The following MYBPH variants were observed in gnomAD, a reference collection of about 807,000 sequenced individuals.
MYBPH encodes the protein myosin-binding protein H.
MYBPH carries 49 observed loss-of-function variants against 53.6 expected under a neutral mutation model. That is an observed-to-expected ratio of 0.91 (90% CI 0.73 to 1.16). MYBPH has a LOEUF of 1.16. MYBPH is among the 50% of genes most tolerant of loss of function. The pLI is 0.00. For synonymous variants in MYBPH, 239 were observed against 249.6 expected (o/e 0.96, Z 0.40); for missense variants, 558 against 624.1 (o/e 0.89, Z 1.13).
rs140240759 is a variant in MYBPH at position 203,171,542 on chromosome 1, C to T, written c.634G>A (p.Gly212Ser). Residue 212 changes from glycine to serine, a missense_variant, in exon 5 of 11, where the codon GGC (glycine) becomes AGC (serine). Coordinates refer to ENST00000255416, the MANE Select transcript of MYBPH (RefSeq NM_004997.3). The surrounding 1 kb of genome is among the most constrained non-coding windows in gnomAD (Gnocchi z 4.2). Reference sequence around the variant, plus strand: ...ACCCGCTGGCTGTCCAGGGCATGGCCGTTGTGGGTCCATGTGGCCTGAGGC... The same window carrying T: ...ACCCGCTGGCTGTCCAGGGCATGGCTGTTGTGGGTCCATGTGGCCTGAGGC... ...PKPQATWTHN[G>S]HALDSQRVSM... 1.8e-5 allele frequency: 29 copies of T among 1,613,312 alleles called. No individual in the cohort carries two copies. The highest frequency in any genetic ancestry group is 9.3e-5 in the African/African-American group (7 of 74,914).
Position 203,175,610 on chromosome 1 carries a change from G to T in MYBPH, c.146C>A (p.Ala49Asp). Reference protein sequence around the residue: ...TREEQVPKPQAPAPQAPTAST... With the variant: ...TREEQVPKPQDPAPQAPTAST... ...GGCTGTAGGGGCCTGTGGGGCAGGG[G>T]CCTGCGGCTTGGGCACCTGCTCTTC... Residue 49 changes from alanine (A) to aspartate (D), a missense_variant, in exon 1 of 11, where the codon GCC (alanine) becomes GAC (aspartate). Ala to Asp is a moderately radical substitution (Grantham distance 126). Transcript: ENST00000255416. 2 of 1,613,954 alleles carry T rather than the reference G, an allele frequency of 1.2e-6. No homozygotes were observed. The highest frequency in any genetic ancestry group is 1.1e-5 in the South Asian group (1 of 91,088).
At chr1:203,170,508 A>G in intron 6 of MYBPH, 58 bp from the exon 7 acceptor site, 2 of 1,574,748 alleles carry the variant, frequency 1.3e-6, no homozygotes, top group East Asian at 2.3e-5. Context: ...CTCCCTGCTT[A>G]CCCTGGAGAC....
At position 203,168,650 on chromosome 1, in the gene MYBPH, C is replaced by T. The variant is rs998417452; in HGVS notation, c.*9G>A. 1 of 1,451,484 alleles carries T rather than the reference C, an allele frequency of 6.9e-7. No homozygotes were observed. The highest frequency in any genetic ancestry group is 9.1e-7 in the Non-Finnish European group (1 of 1,096,690). The allele number at this position is 1,451,484 out of a possible 1,614,324, so 89.9% of individuals were successfully genotyped here. A position where few individuals can be genotyped will look rare whatever the true frequency, so the allele number is the denominator to read the frequency against. ...ACCTGGCTCCTCATCACAGCCTCCT[C>T]CCGTGACTTCAGTGTGCGGCTGAGG... is the stretch of plus-strand genomic sequence containing the variant. On this transcript the variant is annotated 3_prime_UTR_variant, in exon 10 of 11. Transcript: ENST00000255416.
Position 203,171,456 on chromosome 1 carries a change from G to C in MYBPH, c.720C>G (p.Asp240Glu), listed in dbSNP as rs757351367. 1 of 1,613,974 alleles carries C rather than the reference G, an allele frequency of 6.2e-7. No individual in the cohort carries two copies. The highest frequency in any genetic ancestry group is 8.5e-7 in the Non-Finnish European group (1 of 1,180,036). The change falls in exon 5 of 11, where the codon GAC becomes GAG. Residue 240 changes from aspartate to glutamate, a missense_variant. Asp to Glu is a conservative substitution (Grantham distance 45, BLOSUM62 2). Transcript: ENST00000255416. The surrounding 1 kb of genome is among the most constrained non-coding windows in gnomAD (Gnocchi z 4.2). ...ILFIRSAQRSDSGRYELTVRV... is the reference protein window; with the variant it reads ...ILFIRSAQRSESGRYELTVRV... ...GCACAGTGAGCTCGTAGCGGCCAGA[G>C]TCGGAGCGCTGGGCCGAGCGAATGA...
intron 10 of MYBPH, 83 bp from the exon 11 acceptor site, chr1:203,168,174 GC>G: frequency 8.7e-6 from 2 of 229,772 alleles, no homozygotes; most frequent in Non-Finnish European, 1.7e-5. Flanking sequence ...GGGAGGGGGA[GC>G]AGCATCCTCT....
In MYBPH at chr1:203,171,245, T is replaced by G; in HGVS notation, c.794-45A>C. 6.4e-7 allele frequency: 1 copy of G among 1,556,296 alleles called. No homozygotes were observed. Among genetic ancestry groups the G allele is most frequent in the Non-Finnish European group, 8.7e-7 (1 of 1,149,532 alleles). Reference sequence around the variant, plus strand: ...GAGGAAGTGAGTGTGAGGGCCAGGCTGGCCACAGAGCCCCCACACCCAAAA... The same window carrying G: ...GAGGAAGTGAGTGTGAGGGCCAGGCGGGCCACAGAGCCCCCACACCCAAAA... On this transcript the variant is annotated intron_variant, in intron 5 of 10. Transcript: ENST00000255416. The surrounding 1 kb of genome is among the most constrained non-coding windows in gnomAD (Gnocchi z 4.2).
Position 203,170,423 on chromosome 1 carries a change from GGTAGCGCTCCAGCACT to G in MYBPH, c.945_960del (p.Val316ThrfsTer96). ...TCAGAGATGGTGCAGGTGGTTGGGTGGTAGCGCTCCAGCACTGTGAACCATTGCTGCAGGGCCCCGG... is the reference window on the plus strand; with the variant it reads ...TCAGAGATGGTGCAGGTGGTTGGGTGGTGAACCATTGCTGCAGGGCCCCGG... On this transcript the variant is annotated frameshift_variant, in exon 7 of 11. Transcript: ENST00000255416. LOFTEE classifies it high-confidence loss of function. 1 of 1,614,146 alleles carries G rather than the reference GGTAGCGCTCCAGCACT, an allele frequency of 6.2e-7. No individual in the cohort carries two copies. The highest frequency in any genetic ancestry group is 8.5e-7 in the Non-Finnish European group (1 of 1,180,002).
upstream of MYBPH, among the ~76,000 whole-genome samples, chr1:203,176,832 G>T (rs1055855766): frequency 4.6e-5 from 7 of 152,156 alleles, no homozygotes; most frequent in Non-Finnish European, 8.8e-5. Flanking sequence ...TAGTAAAATG[G>T]ATGAGGTGCC....
chr1:203,168,868 A>T, intron 9 of MYBPH, 38 bp downstream of exon 9: 1 of 1,609,246 alleles, frequency 6.2e-7, no homozygotes, highest in South Asian at 1.1e-5. Flanking sequence ...AGTTCCAGAG[A>T]GGTGCTTACT....
rs1368167716 is a variant in MYBPH at position 203,171,905 on chromosome 1, C to A, written c.597+47G>T. 2.5e-6 allele frequency: 3 copies of A among 1,177,910 alleles called. No homozygotes were observed. The Admixed American group carries it at 1.1e-4, about 45-fold the overall frequency. The allele number at this position is 1,177,910 out of a possible 1,614,324, so 73.0% of individuals were successfully genotyped here. A position where few individuals can be genotyped will look rare whatever the true frequency, so the allele number is the denominator to read the frequency against. ...CTCCCAGGCTCCCCTTAAATGGGGG[C>A]CCTGGTTCCCACCCAGGCTGTTACC... is the stretch of plus-strand genomic sequence containing the variant. On this transcript the variant is annotated intron_variant, in intron 4 of 10. Coordinates refer to ENST00000255416, the MANE Select transcript of MYBPH (RefSeq NM_004997.3). The surrounding 1 kb of genome is among the most constrained non-coding windows in gnomAD (Gnocchi z 4.2).
Position 203,168,911 on chromosome 1 carries a change from A to T in MYBPH, c.1412T>A (p.Val471Asp), listed in dbSNP as rs1411460862. Residue 471 changes from valine (V) to aspartate (D), a missense_variant, in exon 9 of 11, where the codon GTC (valine) becomes GAC (aspartate). By Grantham distance (152) the Val-to-Asp change is radical. Coordinates refer to ENST00000255416, the MANE Select transcript of MYBPH (RefSeq NM_004997.3). ...GEASVDCRLEVKASAAH is the reference protein window; with the variant it reads ...GEASVDCRLEDKASAAH The stretch of plus-strand genomic sequence containing the variant: ...TCCCGTCCTCAAACTCTCACCTTTG[A>T]CCTCCAGCCGGCAGTCCACAGATGC... 24 of 1,613,206 alleles carry T rather than the reference A, an allele frequency of 1.5e-5. No homozygotes were observed. Among genetic ancestry groups the T allele is most frequent in the Non-Finnish European group, 2.0e-5 (24 of 1,179,900 alleles).
intron 3 of MYBPH, 24 bp from the exon 4 acceptor site, chr1:203,172,064 C>CTTAGCA: frequency 7.8e-7 from 1 of 1,285,364 alleles, no homozygotes; most frequent in East Asian, 2.9e-5. Context: ...AGAGTCTGGG[C>CTTAGCA]TTAGCAGTGC....
chr1:203,174,973 C>T (rs1034903750), intron 2 of MYBPH, among the ~76,000 whole-genome samples: 5 of 152,038 alleles, frequency 3.3e-5, no homozygotes, highest in African/African-American at 1.2e-4. Context: ...CTTACGCTAA[C>T]ATTCCCCTCT....
chr1:203,177,367 CTT>C (rs1159750528), upstream of MYBPH, among the ~76,000 whole-genome samples: 1 of 152,240 alleles, frequency 6.6e-6, no homozygotes, highest in Non-Finnish European at 1.5e-5. Flanking sequence ...TTTATGCACT[CTT>C]TAGCACGTAA....
At chr1:203,173,103 C>T (rs1011544982) in intron 3 of MYBPH, among the ~76,000 whole-genome samples, 2 of 152,192 alleles carry the variant, frequency 1.3e-5, no homozygotes, top group Non-Finnish European at 2.9e-5. Flanking sequence ...AGCCTCCTCT[C>T]CCTCTTCTCT....
intron 7 of MYBPH, 132 bp downstream of exon 7, chr1:203,170,159 T>C (rs1195588001): frequency 4.5e-6 from 5 of 1,121,844 alleles, no homozygotes; most frequent in Admixed American, 2.5e-5. Flanking sequence ...TGCATAGCCG[T>C]GGAGTGAGGA....
In MYBPH at chr1:203,169,324, G is replaced by C. The variant is rs774370257; in HGVS notation, c.1159C>G (p.Pro387Ala). 5.6e-6 allele frequency: 9 copies of C among 1,612,514 alleles called. No homozygotes were observed. Among genetic ancestry groups the C allele is most frequent in the South Asian group, 1.1e-5 (1 of 90,886 alleles). Reference sequence around the variant, plus strand: ...GGGGTGGAGGTGTGGTCAGCCAGGGGCTGGGTGAATGAGGGGGCTTCTGAG... The same window carrying C: ...GGGGTGGAGGTGTGGTCAGCCAGGGCCTGGGTGAATGAGGGGGCTTCTGAG... The part of the protein sequence containing the change: ...DFSEAPSFTQ[P>A]LADHTSTPGY... The change falls in exon 8 of 11, where the codon CCC (proline) becomes GCC (alanine). Residue 387 changes from proline (P) to alanine (A), a missense_variant. Pro to Ala is a conservative substitution (Grantham distance 27). Transcript: ENST00000255416.
intron 9 of MYBPH, 49 bp downstream of exon 9, chr1:203,168,857 C>T: frequency 2.5e-6 from 4 of 1,604,636 alleles, no homozygotes; most frequent in Non-Finnish European, 3.4e-6. Context: ...GCCTCTAGTC[C>T]AGTTCCAGAG....
At chr1:203,174,391 G>T in intron 3 of MYBPH, 39 bp downstream of exon 3, 1 of 1,529,216 alleles carries the variant, frequency 6.5e-7, no homozygotes, top group South Asian at 1.3e-5. Context: ...TAAGGTGTTT[G>T]GGAAGGGCTG....
Sources: gnomAD v4.1 joint callset for allele counts (sites outside exome capture counted in the v4.1 genomes callset) on GRCh38, gnomAD v4.1.1 for gene constraint, Gnocchi (gnomAD v3.1) non-coding constraint, MANE v1.5 for transcripts, NCBI Gene and HGNC (gene_info 2026-07-23, HGNC 2026-07-21) for gene names.